Variants in FAM163A observed in about 807,000 individuals in gnomAD.
FAM163A encodes family with sequence similarity 163 member A.
FAM163A carries 7 observed loss-of-function variants against 12.0 expected under a neutral mutation model. The observed-to-expected ratio is 0.58, with a 90% confidence interval of 0.33 to 1.10. The LOEUF is 1.10. FAM163A is among the 50% of genes least tolerant of loss of function. The probability of loss-of-function intolerance (pLI) is 0.03; values close to 1 mark genes in which losing one functional copy is unlikely to be tolerated. For synonymous variants in FAM163A, 101 were observed against 91.0 expected, an observed-to-expected ratio of 1.11 and a Z score of -0.62; for missense variants, 202 against 218.6, an observed-to-expected ratio of 0.92 and a Z score of 0.48.
chr1:179,757,439 A>G (rs1180232204), intron 1 of FAM163A, among the ~76,000 whole-genome samples: 1 of 152,152 alleles, frequency 6.6e-6, no homozygotes, highest in Non-Finnish European at 1.5e-5. Context: ...TAGGCTGGAG[A>G]TGGGGGTAGG....
rs1306630534 is a variant in FAM163A at position 179,814,293 on chromosome 1, T to A, written c.*104T>A. On this transcript the variant is annotated 3_prime_UTR_variant, in exon 5 of 5. Coordinates refer to ENST00000341785, the MANE Select transcript of FAM163A (RefSeq NM_173509.3). ...CAGCCCCACATGGGTTGTTTCTGTT[T>A]CTTTGGCTTTTCTCGCTCCGCAGTG... is the stretch of plus-strand genomic sequence containing the variant. The A allele has an allele frequency of 4.9e-6, 7 of 1,434,808 alleles. No homozygotes were observed. Among genetic ancestry groups the A allele is most frequent in the Non-Finnish European group, 6.5e-6 (7 of 1,073,016 alleles). 88.9% of individuals were successfully genotyped at this position (1,434,808 alleles called of 1,614,324 possible). A position where few individuals can be genotyped will look rare whatever the true frequency, so the allele number is the denominator to read the frequency against.
the FAM163A span, among the ~76,000 whole-genome samples, chr1:179,735,754 C>T: frequency 6.6e-6 from 1 of 152,042 alleles, no homozygotes; most frequent in African/African-American, 2.4e-5. Context: ...CAGCCCACCT[C>T]GGCCTCCCAA....
rs1190010190 is a variant in FAM163A, at chr1:179,813,058, C to G, written c.-22-18C>G. 1 of 1,549,824 alleles carries G rather than the reference C, an allele frequency of 6.5e-7. No homozygotes were observed. The highest frequency in any genetic ancestry group is 1.7e-4 in the Middle Eastern group (1 of 5,890). On this transcript the variant is annotated intron_variant, in intron 3 of 4. Transcript: ENST00000341785. ...CTGCAGCCACAGCTGGTCCTCAGCC[C>G]TCCGCACATCTTTGCAGAGTTTGAT...
At chr1:179,771,195 C>CCGT (rs1467691926) in intron 1 of FAM163A, among the ~76,000 whole-genome samples, 2 of 152,136 alleles carry the variant, frequency 1.3e-5, no homozygotes, top group Non-Finnish European at 2.9e-5. Context: ...AGCTGCCCAG[C>CCGT]CGTCCACAGC....
At chr1:179,743,589 C>G (rs1571277862) in intron 1 of FAM163A, among the ~76,000 whole-genome samples, 166 bp downstream of exon 1, 1 of 152,132 alleles carries the variant, frequency 6.6e-6, no homozygotes, top group Non-Finnish European at 1.5e-5. Flanking sequence ...CGGCTGCCTC[C>G]CTCTGCCCAC....
chr1:179,808,668 G>T (rs145198865), intron 2 of FAM163A, among the ~76,000 whole-genome samples: 12 of 152,310 alleles, frequency 7.9e-5, no homozygotes, highest in Admixed American at 3.3e-4. Context: ...CATTACCCAT[G>T]CTGTTTTCGA....
intron 1 of FAM163A, among the ~76,000 whole-genome samples, chr1:179,790,640 A>G (rs1036568256): frequency 1.3e-4 from 20 of 152,136 alleles, no homozygotes; most frequent in Admixed American, 1.3e-3. Flanking sequence ...GTCAGCACTC[A>G]CTGAGATTAG....
At chr1:179,781,033 C>T (rs1689651630) in intron 1 of FAM163A, among the ~76,000 whole-genome samples, 1 of 152,062 alleles carries the variant, frequency 6.6e-6, no homozygotes, top group Non-Finnish European at 1.5e-5. Context: ...TGGTGGTACT[C>T]AGTTATGAAA....
intron 1 of FAM163A, among the ~76,000 whole-genome samples, chr1:179,754,746 T>A (rs1234534766): frequency 6.6e-6 from 1 of 152,214 alleles, no homozygotes; most frequent in Admixed American, 6.5e-5. Flanking sequence ...CCTGGTGTAC[T>A]GCCTGCTGGG....
the FAM163A span, among the ~76,000 whole-genome samples, chr1:179,738,111 A>G: frequency 6.6e-6 from 1 of 152,158 alleles, no homozygotes; most frequent in Non-Finnish European, 1.5e-5. Flanking sequence ...GAAGGGGAAT[A>G]GGGAGAGGGG....
chr1:179,806,708 C>A (rs1170660288), intron 1 of FAM163A, among the ~76,000 whole-genome samples: 2 of 152,244 alleles, frequency 1.3e-5, no homozygotes, highest in Non-Finnish European at 2.9e-5. Context: ...TTCCTCTGAG[C>A]CAGGGCTGAG....
At chr1:179,760,886 C>T (rs150173279) in intron 1 of FAM163A, among the ~76,000 whole-genome samples, 354 of 152,318 alleles carry the variant, frequency 2.3e-3, no homozygotes, top group Admixed American at 3.5e-3. Context: ...CCTCTTCCCA[C>T]CCCACTCCTG....
chr1:179,767,806 A>G (rs567671871), intron 1 of FAM163A, among the ~76,000 whole-genome samples: 21 of 152,234 alleles, frequency 1.4e-4, no homozygotes, highest in Non-Finnish European at 1.8e-4. Flanking sequence ...TCTAATTCCT[A>G]TAGCCAGAAG....
intron 1 of FAM163A, among the ~76,000 whole-genome samples, chr1:179,769,771 T>A (rs1246305412): frequency 1.3e-5 from 2 of 152,096 alleles, no homozygotes; most frequent in Non-Finnish European, 2.9e-5. Context: ...GGACCTAGAG[T>A]GCTTCTCCAC....
At chr1:179,743,252 A>C (rs1268102228), upstream of FAM163A, 2 of 152,260 alleles carry the variant, frequency 1.3e-5, no homozygotes, top group Admixed American at 6.5e-5. Context: ...AGCCCTGGCC[A>C]CCTGGAGGGG....
At chr1:179,809,948 C>A (rs576950676) in intron 2 of FAM163A, among the ~76,000 whole-genome samples, 1 of 152,260 alleles carries the variant, frequency 6.6e-6, no homozygotes, top group East Asian at 1.9e-4. Context: ...TCAAAGTGGT[C>A]TCGAACAGTG....
At chr1:179,757,522 A>G (rs1017232186) in intron 1 of FAM163A, among the ~76,000 whole-genome samples, 1 of 152,192 alleles carries the variant, frequency 6.6e-6, no homozygotes, top group Admixed American at 6.5e-5. Flanking sequence ...CTAAGAGTGA[A>G]GAGGATTGGC....
chr1:179,759,024 G>T lies in FAM163A; in HGVS notation c.-136+15601G>T, dbSNP rs370393245. On this transcript the variant is annotated intron_variant, in intron 1 of 4. Coordinates refer to ENST00000341785, the MANE Select transcript of FAM163A (RefSeq NM_173509.3). Reference sequence around the variant, plus strand: ...AAGCACTTACTGTGTCTCAGATGTTGGGCCAGGTGCTGGAGATACACTAGT... The same window carrying T: ...AAGCACTTACTGTGTCTCAGATGTTTGGCCAGGTGCTGGAGATACACTAGT... 2.2e-4 allele frequency among the ~76,000 whole-genome samples: 33 copies of T among 152,324 alleles called. No individual in the cohort carries two copies. The South Asian group carries it at 6.4e-3, about 30-fold the overall frequency.
At chr1:179,758,446 G>A (rs1464542937) in intron 1 of FAM163A, among the ~76,000 whole-genome samples, 4 of 152,120 alleles carry the variant, frequency 2.6e-5, no homozygotes, top group African/African-American at 7.2e-5. Context: ...AAGGGTGAAC[G>A]CCCCACCCCT....
Sources: gnomAD v4.1 joint callset for allele counts (sites outside exome capture counted in the v4.1 genomes callset) on GRCh38, gnomAD v4.1.1 for gene constraint, MANE v1.5 for transcripts, NCBI Gene and HGNC (gene_info 2026-07-23, HGNC 2026-07-21) for gene names.